Variants in CPVL observed in about 807,000 individuals in gnomAD.
The protein encoded by CPVL is carboxypeptidase vitellogenic like, also known as probable serine carboxypeptidase CPVL.
CPVL carries 51 observed loss-of-function variants against 63.7 expected under a neutral mutation model. The observed-to-expected ratio is 0.80, with a 90% CI of 0.64 to 1.01. The LOEUF (loss-of-function observed/expected upper bound fraction) is 1.01, where lower values mean the gene tolerates loss of function less well. Among genes scored for constraint, CPVL ranks in the 50% least tolerant of loss-of-function variants. The pLI, the probability that CPVL is intolerant of heterozygous loss-of-function variation, is 0.00. For synonymous variants in CPVL, 195 were observed against 206.0 expected (o/e 0.95, Z 0.46); for missense variants, 530 against 573.1 (o/e 0.92, Z 0.77).
intron 6 of CPVL, among the ~76,000 whole-genome samples, chr7:29,088,891 C>T (rs1224467490): frequency 6.6e-6 from 1 of 152,152 alleles, no homozygotes; most frequent in East Asian, 1.9e-4. Flanking sequence ...AGGAGAATTG[C>T]TTGAACCTGG....
intron 1 of CPVL, among the ~76,000 whole-genome samples, chr7:29,132,032 G>T (rs919021090): frequency 6.6e-6 from 1 of 152,188 alleles, no homozygotes; most frequent in African/African-American, 2.4e-5. Context: ...AGAGATAGGC[G>T]AGAGCTTTTA....
rs372507504 is a variant in CPVL, at chr7:29,101,520, G to A, written c.289-5303C>T. 1.8e-4 allele frequency among the ~76,000 whole-genome samples: 28 copies of A among 152,306 alleles called. No homozygotes were observed. The East Asian group carries it at 4.6e-3, about 25-fold the overall frequency. On this transcript the variant is annotated intron_variant, in intron 3 of 12. Coordinates refer to ENST00000265394, the MANE Select transcript of CPVL (RefSeq NM_031311.5). ...TGAGGCAGAAGAATGGCGTGAACCC[G>A]GGAGGCGGAGCTTGCAGTGAGCCAA...
At chr7:29,190,836 A>G (rs1445010048) in intron 1 of CPVL, among the ~76,000 whole-genome samples, 2 of 152,198 alleles carry the variant, frequency 1.3e-5, no homozygotes, top group African/African-American at 4.8e-5. Context: ...CATTTACTCA[A>G]TGAGTAAACA....
chr7:29,084,724 A>C (rs1263459624), intron 7 of CPVL, among the ~76,000 whole-genome samples: 2 of 152,226 alleles, frequency 1.3e-5, no homozygotes, highest in Non-Finnish European at 2.9e-5. Flanking sequence ...CTGTGTATTA[A>C]ATTTTAACAT....
At chr7:29,076,232 C>G (rs1030157990) in intron 7 of CPVL, among the ~76,000 whole-genome samples, 2 of 152,096 alleles carry the variant, frequency 1.3e-5, no homozygotes, top group Non-Finnish European at 2.9e-5. Context: ...TGAACTATTG[C>G]TTCTTTTGTT....
intron 9 of CPVL, among the ~76,000 whole-genome samples, chr7:29,069,849 G>T (rs1249548970): frequency 6.7e-6 from 1 of 148,720 alleles, no homozygotes; most frequent in Admixed American, 6.7e-5. Flanking sequence ...CATAGGGACA[G>T]TAGATGACCT....
At chr7:29,192,260 C>T (rs1782980953) in intron 1 of CPVL, 1 of 152,194 alleles carries the variant, frequency 6.6e-6, no homozygotes, top group Non-Finnish European at 1.5e-5. Context: ...AGCACAGGGC[C>T]TTCAGGTGGT....
At chr7:29,080,124 G>A (rs1344817741) in intron 7 of CPVL, among the ~76,000 whole-genome samples, 5 of 152,086 alleles carry the variant, frequency 3.3e-5, no homozygotes, top group African/African-American at 4.8e-5. Flanking sequence ...AAAGGGAGGC[G>A]AGAGGAGCAG....
chr7:29,011,190 TA>T (rs879569565), intron 12 of CPVL: 2 of 152,220 alleles, frequency 1.3e-5, no homozygotes, highest in African/African-American at 4.8e-5. Flanking sequence ...TCAAATAGCC[TA>T]ATGCATGGGT....
chr7:29,055,825 A>C (rs902280406), intron 11 of CPVL, among the ~76,000 whole-genome samples: 2 of 152,042 alleles, frequency 1.3e-5, no homozygotes, highest in African/African-American at 4.8e-5. Flanking sequence ...ATCCACTTTC[A>C]TTTTATTAAA....
chr7:29,138,493 G>C (rs565743301), intron 1 of CPVL, among the ~76,000 whole-genome samples: 6 of 152,190 alleles, frequency 3.9e-5, no homozygotes, highest in Middle Eastern at 6.8e-3. Context: ...AGAAACTTGT[G>C]ATTATATATT....
At position 29,178,334 on chromosome 7, in the gene CPVL, G is replaced by A. The variant is rs113291981; in HGVS notation, c.-11+2956C>T. Among the ~76,000 whole-genome samples the A allele has an allele frequency of 6.9e-3, 1,050 of 152,174 alleles. 19 individuals carry two copies. Among genetic ancestry groups the A allele is most frequent in the African/African-American group, 0.024 (999 of 41,526 alleles). ...ACAGAAAGTCTCCACTATGACCCAC[G>A]TGGCTGCTAGGATCTGACATCTACT... On this transcript the variant is annotated intron_variant, in intron 5 of 16. Transcript: ENST00000409850.
intron 11 of CPVL, among the ~76,000 whole-genome samples, chr7:29,041,949 C>A (rs1033160413): frequency 6.6e-6 from 1 of 151,924 alleles, no homozygotes; most frequent in Non-Finnish European, 1.5e-5. Flanking sequence ...TTTTCATGTG[C>A]CTTCTAGAAA....
rs1228621814 is a variant in CPVL, at chr7:29,086,639, GCAAT to G, written c.543-93_543-90del. 1.0e-5 allele frequency: 10 copies of G among 970,196 alleles called. No individual in the cohort carries two copies. The East Asian group carries it at 2.4e-4, about 23-fold the overall frequency. The allele number at this position is 970,196 out of a possible 1,614,324, so 60.1% of individuals were successfully genotyped here. ...CTAGGATATCAAATCTAACTCTTTG[GCAAT>G]AGGTTTCACACTTGAAATAAGATAC... On this transcript the variant is annotated intron_variant, in intron 6 of 12. Transcript: ENST00000265394.
At chr7:29,129,916 A>G (rs1790508288) in intron 1 of CPVL, among the ~76,000 whole-genome samples, 1 of 152,182 alleles carries the variant, frequency 6.6e-6, no homozygotes, top group Admixed American at 6.5e-5. Flanking sequence ...GAAGAGGCAG[A>G]CACTAAGTGA....
intron 3 of CPVL, among the ~76,000 whole-genome samples, chr7:29,101,053 G>GT (rs1787067753): frequency 6.6e-6 from 1 of 152,168 alleles, no homozygotes; most frequent in African/African-American, 2.4e-5. Flanking sequence ...AGGTTATTAT[G>GT]TGACAATCCT....
intron 5 of CPVL, among the ~76,000 whole-genome samples, chr7:29,177,534 A>G (rs245913): frequency 0.67 from 101,903 of 151,114 alleles, 35,291 homozygotes; most frequent in East Asian, 0.99. Context: ...GATTACAGGC[A>G]TGACCCACCG....
chr7:29,010,176 T>C (rs1207997411), intron 12 of CPVL: 2 of 152,164 alleles, frequency 1.3e-5, no homozygotes, highest in Non-Finnish European at 2.9e-5. Flanking sequence ...CTTGGGACTC[T>C]GGTTGCTGTA....
chr7:29,014,527 A>T, intron 12 of CPVL, among the ~76,000 whole-genome samples: 1 of 151,270 alleles, frequency 6.6e-6, no homozygotes, highest in Admixed American at 6.6e-5. Flanking sequence ...TTGTAGGGAC[A>T]GAGTCTTACT....
Sources: gnomAD v4.1 joint callset for allele counts (sites outside exome capture counted in the v4.1 genomes callset) on GRCh38, gnomAD v4.1.1 for gene constraint, MANE v1.5 for transcripts, NCBI Gene and HGNC (gene_info 2026-07-23, HGNC 2026-07-21) for gene names.